The following PTPN3 variants were observed in gnomAD, a reference collection of about 807,000 sequenced individuals.
The protein encoded by PTPN3 is protein tyrosine phosphatase non-receptor type 3, also known as tyrosine-protein phosphatase non-receptor type 3.
In PTPN3, 96 loss-of-function variants were observed where a neutral mutation model predicts 132.7. The ratio of observed to expected loss-of-function variants is 0.72; its 90% CI spans 0.61 to 0.86. The LOEUF is 0.86. PTPN3 is among the 40% of genes least tolerant of loss of function. The pLI is 0.00. For missense variants in PTPN3, 1,125 were observed against 1,159.6 expected, an observed-to-expected ratio of 0.97 and a Z score of 0.43; for synonymous variants, 398 against 429.0, an observed-to-expected ratio of 0.93 and a Z score of 0.89.
chr9:109,533,791 G>A, the PTPN3 span: 8 of 1,090,924 alleles, frequency 7.3e-6, no homozygotes, highest in Non-Finnish European at 1.1e-5. Context: ...GTTGAGCCTG[G>A]CCTTGGGGAG....
At chr9:109,515,378 A>G in the PTPN3 span, among the ~76,000 whole-genome samples, 2 of 152,178 alleles carry the variant, frequency 1.3e-5, no homozygotes, top group Middle Eastern at 3.4e-3. Context: ...CCTGCATTGG[A>G]GTTGCTGCTC....
chr9:109,393,504 A>T (rs1840309748), intron 19 of PTPN3, among the ~76,000 whole-genome samples: 1 of 149,214 alleles, frequency 6.7e-6, no homozygotes, highest in Admixed American at 6.8e-5. Flanking sequence ...CTCCTGCCTC[A>T]GCCTCCTGAG....
chr9:109,397,006 G>C (rs935411704), intron 19 of PTPN3, among the ~76,000 whole-genome samples: 1 of 151,966 alleles, frequency 6.6e-6, no homozygotes, highest in Non-Finnish European at 1.5e-5. Context: ...TCAACTCTAT[G>C]AACAGAAAAA....
intron 19 of PTPN3, among the ~76,000 whole-genome samples, chr9:109,395,221 G>A (rs1008887329): frequency 2.0e-5 from 3 of 151,586 alleles, no homozygotes; most frequent in African/African-American, 7.3e-5. Flanking sequence ...GGTTATTTCT[G>A]AATTATCTGA....
chr9:109,521,652 C>T, the PTPN3 span, among the ~76,000 whole-genome samples: 4,022 of 152,304 alleles, frequency 0.026, 74 homozygotes, highest in Non-Finnish European at 0.042. Context: ...TGCTTCCTCA[C>T]ATCCTGAGGT....
the PTPN3 span, among the ~76,000 whole-genome samples, chr9:109,517,067 G>C: frequency 1.3e-5 from 2 of 150,602 alleles, no homozygotes; most frequent in Admixed American, 1.3e-4. Context: ...TGTGTAGATA[G>C]TGGTTGAAGC....
At chr9:109,458,037 C>T (rs938238293) in intron 2 of PTPN3, among the ~76,000 whole-genome samples, 1 of 152,210 alleles carries the variant, frequency 6.6e-6, no homozygotes, top group African/African-American at 2.4e-5. Context: ...TTGCCTTCCC[C>T]GCTCCATGTT....
At chr9:109,389,133 G>A in intron 22 of PTPN3, 100 bp downstream of exon 22, 1 of 1,463,100 alleles carries the variant, frequency 6.8e-7, no homozygotes, top group Non-Finnish European at 9.2e-7. Flanking sequence ...ATACGGGCTG[G>A]ACCAGGAGAC....
At chr9:109,383,168 A>G (rs1341758593) in intron 23 of PTPN3, 1 of 548,482 alleles carries the variant, frequency 1.8e-6, no homozygotes, top group Non-Finnish European at 3.3e-6. Flanking sequence ...ATCATATTCC[A>G]TTGTATGGAC....
chr9:109,443,890 G>A (rs1490373380), intron 7 of PTPN3, among the ~76,000 whole-genome samples: 1 of 152,152 alleles, frequency 6.6e-6, no homozygotes, highest in Non-Finnish European at 1.5e-5. Context: ...CATCTTTGAT[G>A]TCCCCTGCCC....
intron 23 of PTPN3, among the ~76,000 whole-genome samples, chr9:109,383,056 G>A (rs1280340481): frequency 2.6e-5 from 4 of 152,268 alleles, no homozygotes; most frequent in Non-Finnish European, 5.9e-5. Flanking sequence ...GAATCCTACA[G>A]TATGTGTCTT....
At chr9:109,404,338 G>C in intron 19 of PTPN3, 110 bp downstream of exon 19, 2 of 839,074 alleles carry the variant, frequency 2.4e-6, no homozygotes, top group Non-Finnish European at 3.3e-6. Flanking sequence ...CAATCATCTC[G>C]ACCAAGGAAA....
Position 109,382,282 on chromosome 9 carries a change from C to A in PTPN3, c.2528+20G>T, listed in dbSNP as rs750442969. 30 of 1,612,034 alleles carry A rather than the reference C, an allele frequency of 1.9e-5. No individual in the cohort carries two copies. The highest frequency in any genetic ancestry group is 2.3e-5 in the Non-Finnish European group (27 of 1,178,772). ...GACAGGGAAAGGATTCCAAACCTAACAAAACAGCAAGCGCCATACCTGCAG... is the reference window on the plus strand; with the variant it reads ...GACAGGGAAAGGATTCCAAACCTAAAAAAACAGCAAGCGCCATACCTGCAG... On this transcript the variant is annotated intron_variant, in intron 24 of 25. Transcript: ENST00000374541.
intron 1 of PTPN3, among the ~76,000 whole-genome samples, chr9:109,465,583 C>T (rs1358243930): frequency 6.6e-6 from 1 of 151,944 alleles, no homozygotes; most frequent in Non-Finnish European, 1.5e-5. Context: ...GTGGCATGCG[C>T]CAGTAATCCC....
intron 22 of PTPN3, among the ~76,000 whole-genome samples, chr9:109,385,947 G>A (rs1406660667): frequency 1.3e-5 from 2 of 152,218 alleles, no homozygotes; most frequent in Admixed American, 1.3e-4. Flanking sequence ...GAAAGGATGT[G>A]TCTTTCTGGA....
intron 16 of PTPN3, among the ~76,000 whole-genome samples, chr9:109,409,078 A>G (rs1841863992): frequency 6.6e-6 from 1 of 152,008 alleles, no homozygotes; most frequent in South Asian, 2.1e-4. Flanking sequence ...AAAGGGCCAG[A>G]GAGGCTTTGT....
At chr9:109,507,792 C>T in the PTPN3 span, among the ~76,000 whole-genome samples, 1 of 152,216 alleles carries the variant, frequency 6.6e-6, no homozygotes, top group Non-Finnish European at 1.5e-5. Context: ...TCACTTTATG[C>T]AGCAGCCACT....
At chr9:109,455,876 C>G (rs1400710715) in intron 4 of PTPN3, among the ~76,000 whole-genome samples, 1 of 152,200 alleles carries the variant, frequency 6.6e-6, no homozygotes, top group African/African-American at 2.4e-5. Flanking sequence ...TTGCCACAGT[C>G]TGAGCTCAGG....
intron 1 of PTPN3, among the ~76,000 whole-genome samples, chr9:109,469,179 A>G (rs189434629): frequency 8.5e-5 from 13 of 152,310 alleles, no homozygotes; most frequent in South Asian, 2.1e-4. Context: ...AGACAACGAA[A>G]GGGTAATGCC....
Sources: allele counts gnomAD v4.1 joint callset (sites outside exome capture counted in the v4.1 genomes callset), GRCh38; gene constraint gnomAD v4.1.1; transcripts MANE v1.5; gene names NCBI Gene and HGNC (gene_info 2026-07-23, HGNC 2026-07-21).